Variants in CFAP54 observed in about 807,000 individuals in gnomAD.
CFAP54 encodes cilia- and flagella-associated protein 54.
Under a neutral mutation model 370.4 loss-of-function variants are expected in CFAP54, and 290 were observed. The observed-to-expected ratio is 0.78, with a 90% confidence interval of 0.71 to 0.86. The LOEUF (loss-of-function observed/expected upper bound fraction) is 0.86. Among genes scored for constraint, CFAP54 ranks in the 40% least tolerant of loss-of-function variants. The probability of loss-of-function intolerance (pLI) is 0.00; values close to 1 mark genes in which losing one functional copy is unlikely to be tolerated. For synonymous variants in CFAP54, 1,206 were observed against 1,236.5 expected (o/e 0.98, Z 0.52); for missense variants, 3,399 against 3,528.7 (o/e 0.96, Z 0.93).
At chr12:96,641,749 T>TA (rs933365359) in intron 32 of CFAP54, among the ~76,000 whole-genome samples, 30 of 152,296 alleles carry the variant, frequency 2.0e-4, no homozygotes, top group African/African-American at 6.7e-4. Flanking sequence ...TATGCAGCTA[T>TA]AAAAAATGAT....
intron 8 of CFAP54, 66 bp downstream of exon 8, chr12:96,522,255 G>C (rs1472175274): frequency 1.6e-5 from 17 of 1,076,958 alleles, no homozygotes; most frequent in Non-Finnish European, 2.2e-5. Flanking sequence ...ATGCTCCTAT[G>C]TCTTTCAAGC....
At chr12:96,669,752 T>TAG (rs766072412) in intron 39 of CFAP54, among the ~76,000 whole-genome samples, 10 of 152,124 alleles carry the variant, frequency 6.6e-5, no homozygotes, top group Non-Finnish European at 1.5e-4. Context: ...TGACAATGAG[T>TAG]AGAGCTATCC....
chr12:96,871,649 T>C (rs776931725), intron 67 of CFAP54, among the ~76,000 whole-genome samples: 14 of 152,092 alleles, frequency 9.2e-5, no homozygotes, highest in Non-Finnish European at 1.2e-4. Context: ...TAAAATAATC[T>C]ATTGAAAAAG....
chr12:96,502,711 G>A (rs888441801), intron 2 of CFAP54, among the ~76,000 whole-genome samples: 2 of 152,162 alleles, frequency 1.3e-5, no homozygotes, highest in African/African-American at 4.8e-5. Context: ...TTGTGGGGGA[G>A]GGAGCTGAGG....
intron 63 of CFAP54, among the ~76,000 whole-genome samples, chr12:96,806,546 C>A (rs1347841463): frequency 1.3e-5 from 2 of 151,958 alleles, no homozygotes; most frequent in African/African-American, 4.8e-5. Flanking sequence ...GGTTCCCAAA[C>A]AAACAAGCTG....
At chr12:96,516,532 G>T (rs976799877) in intron 5 of CFAP54, among the ~76,000 whole-genome samples, 4 of 152,146 alleles carry the variant, frequency 2.6e-5, no homozygotes, top group Non-Finnish European at 5.9e-5. Flanking sequence ...TGCTGCAGCA[G>T]GTCACCAGCA....
At chr12:96,844,135 T>C (rs933036407) in intron 66 of CFAP54, among the ~76,000 whole-genome samples, 1 of 152,190 alleles carries the variant, frequency 6.6e-6, no homozygotes, top group African/African-American at 2.4e-5. Context: ...ACAATGGCGC[T>C]CCACAGTGGT....
Position 96,743,917 on chromosome 12 carries a change from A to C in CFAP54, c.7557+7A>C, listed in dbSNP as rs867481234. 1 of 1,609,016 alleles carries C rather than the reference A, an allele frequency of 6.2e-7. No homozygotes were observed. The highest frequency in any genetic ancestry group is 1.7e-4 in the Middle Eastern group (1 of 6,018). The stretch of plus-strand genomic sequence containing the variant: ...TAGCATTCTAACTGAACAGGTGAGA[A>C]TGCTTTTGTGTCTGCGAGACATAGA... On this transcript the variant is annotated splice_region_variant and intron_variant, in intron 54 of 67. Transcript: ENST00000524981.
chr12:96,517,424 A>C (rs1443899876), intron 5 of CFAP54, among the ~76,000 whole-genome samples: 4 of 152,206 alleles, frequency 2.6e-5, no homozygotes, highest in Non-Finnish European at 5.9e-5. Flanking sequence ...TGAAATGTGA[A>C]ATTTCTAATA....
intron 39 of CFAP54, among the ~76,000 whole-genome samples, chr12:96,670,759 A>G (rs914768611): frequency 2.0e-5 from 3 of 152,196 alleles, no homozygotes; most frequent in Non-Finnish European, 4.4e-5. Context: ...GAGAAGTCAC[A>G]TAAGATGAGG....
At chr12:96,563,542 G>A (rs1955836568) in intron 17 of CFAP54, among the ~76,000 whole-genome samples, 1 of 152,094 alleles carries the variant, frequency 6.6e-6, no homozygotes, top group Admixed American at 6.6e-5. Context: ...AATATCCTTG[G>A]TATTGAGAGA....
intron 64 of CFAP54, among the ~76,000 whole-genome samples, chr12:96,812,044 T>C (rs1353660041): frequency 6.6e-6 from 1 of 152,224 alleles, no homozygotes; most frequent in Non-Finnish European, 1.5e-5. Flanking sequence ...CAAATACCAG[T>C]TGTGCCCCTT....
chr12:96,789,625 G>A (rs1958665450), intron 62 of CFAP54, among the ~76,000 whole-genome samples: 1 of 152,134 alleles, frequency 6.6e-6, no homozygotes, highest in African/African-American at 2.4e-5. Context: ...TTAGTATTAA[G>A]GGCAGCCTAT....
intron 17 of CFAP54, among the ~76,000 whole-genome samples, chr12:96,563,079 T>C (rs1362610986): frequency 1.3e-5 from 2 of 152,204 alleles, no homozygotes; most frequent in Non-Finnish European, 2.9e-5. Flanking sequence ...ATAGTAACTG[T>C]ATTATTTCCT....
At position 96,649,884 on chromosome 12, in the gene CFAP54, A is replaced by T; in HGVS notation, c.4691-7A>T. On this transcript the variant is annotated splice_region_variant and splice_polypyrimidine_tract_variant and intron_variant, in intron 34 of 67. Coordinates refer to ENST00000524981, the MANE Select transcript of CFAP54 (RefSeq NM_001306084.2). ...TAATCATGTCATATCTTATTTTTGTACTGTAGATGCTGAAGAATTTTCTAC... is the reference window on the plus strand; with the variant it reads ...TAATCATGTCATATCTTATTTTTGTTCTGTAGATGCTGAAGAATTTTCTAC... 6.4e-7 allele frequency: 1 copy of T among 1,559,396 alleles called. No homozygotes were observed. The highest frequency in any genetic ancestry group is 1.4e-5 in the African/African-American group (1 of 72,890).
intron 65 of CFAP54, among the ~76,000 whole-genome samples, chr12:96,826,252 C>T (rs1959100553): frequency 7.5e-6 from 1 of 132,778 alleles, no homozygotes; most frequent in Admixed American, 8.1e-5. Context: ...GGTTCTAAAA[C>T]CATAGATAAT....
intron 32 of CFAP54, among the ~76,000 whole-genome samples, chr12:96,634,207 C>T (rs182756621): frequency 3.8e-4 from 57 of 151,740 alleles, no homozygotes; most frequent in Admixed American, 1.1e-3. Context: ...AGGCATGCAC[C>T]ACCACGCTTG....
chr12:96,764,553 C>T (rs11108688), intron 59 of CFAP54, among the ~76,000 whole-genome samples: 55,294 of 151,808 alleles, frequency 0.36, 10,808 homozygotes, highest in East Asian at 0.58. Context: ...TCTGGGAGGT[C>T]GAGGCTGCAG....
Position 96,580,957 on chromosome 12 carries a change from G to A in CFAP54, c.2927G>A (p.Gly976Asp). ...ADGKSVFEVK[G>D]LETNEKYVFA... ...GGTAAAAGTGTTTTTGAAGTGAAAG[G>A]TTTAGAAACCAATGAAAAGTATGTA... Residue 976 changes from glycine (G) to aspartate (D), a missense_variant, in exon 22 of 68, where the codon GGT (glycine) becomes GAT (aspartate). Gly to Asp is a moderately conservative substitution (Grantham distance 94). Coordinates refer to ENST00000524981, the MANE Select transcript of CFAP54 (RefSeq NM_001306084.2). 1.3e-6 allele frequency: 2 copies of A among 1,529,434 alleles called. No homozygotes were observed. Among genetic ancestry groups the A allele is most frequent in the East Asian group, 2.5e-5 (1 of 40,582 alleles). The allele number at this position is 1,529,434 out of a possible 1,614,324, so 94.7% of individuals were successfully genotyped here.
Sources: allele counts gnomAD v4.1 joint callset (sites outside exome capture counted in the v4.1 genomes callset), GRCh38; gene constraint gnomAD v4.1.1; transcripts MANE v1.5; gene names NCBI Gene and HGNC (gene_info 2026-07-23, HGNC 2026-07-21).